NCKAP5: variants seen among roughly 807,000 people sequenced by gnomAD.
The protein encoded by NCKAP5 is NCK associated protein 5.
In NCKAP5, 92 loss-of-function variants were observed where a neutral mutation model predicts 167.0. The observed-to-expected ratio is 0.55, with a 90% CI of 0.47 to 0.66. The LOEUF (loss-of-function observed/expected upper bound fraction) is 0.66. NCKAP5 is among the 30% of genes least tolerant of loss of function. The pLI, the probability that NCKAP5 is intolerant of heterozygous loss-of-function variation, is 0.00. For missense variants in NCKAP5, 2,378 were observed against 2,315.0 expected (o/e 1.03, Z -0.56); for synonymous variants, 891 against 877.4 (o/e 1.02, Z -0.27).
intron 8 of NCKAP5, among the ~76,000 whole-genome samples, chr2:132,925,913 G>C (rs1295657463): frequency 6.6e-6 from 1 of 152,150 alleles, no homozygotes; most frequent in African/African-American, 2.4e-5. Flanking sequence ...GAATTTAGGG[G>C]GTACAAGTGC....
chr2:132,679,097 A>G (rs1365077275), intron 19 of NCKAP5, among the ~76,000 whole-genome samples: 3 of 152,180 alleles, frequency 2.0e-5, no homozygotes, highest in Non-Finnish European at 4.4e-5. Flanking sequence ...AGGCCAAAAG[A>G]TCAGCTTTAC....
chr2:133,309,103 T>A (rs912896549), intron 3 of NCKAP5, among the ~76,000 whole-genome samples: 1 of 152,092 alleles, frequency 6.6e-6, no homozygotes, highest in African/African-American at 2.4e-5. Context: ...AACTGCACAA[T>A]CCCTCTTATC....
chr2:133,205,772 T>C (rs1222296923), intron 5 of NCKAP5, among the ~76,000 whole-genome samples: 1 of 152,138 alleles, frequency 6.6e-6, no homozygotes, highest in African/African-American at 2.4e-5. Flanking sequence ...TATATATCTC[T>C]TTTTATATCC....
intron 3 of NCKAP5, among the ~76,000 whole-genome samples, chr2:133,472,097 C>T (rs947457107): frequency 6.6e-6 from 1 of 152,108 alleles, no homozygotes; most frequent in East Asian, 1.9e-4. Flanking sequence ...AATACCTTTA[C>T]CATTTTAATG....
chr2:133,551,575 C>A (rs1687301728), intron 2 of NCKAP5, among the ~76,000 whole-genome samples: 1 of 44,206 alleles, frequency 2.3e-5, no homozygotes, highest in African/African-American at 9.8e-5. Context: ...CTTCCTTACA[C>A]CTTATACAAA....
intron 6 of NCKAP5, among the ~76,000 whole-genome samples, chr2:133,097,135 G>T (rs965178636): frequency 6.6e-6 from 1 of 152,142 alleles, no homozygotes. Context: ...CTAGATTTTA[G>T]CATGTGACAC....
intron 4 of NCKAP5, among the ~76,000 whole-genome samples, chr2:133,270,435 T>C (rs1452349383): frequency 6.6e-6 from 1 of 152,164 alleles, no homozygotes; most frequent in Non-Finnish European, 1.5e-5. Context: ...AAATAACTGA[T>C]GTAAATAAAG....
chr2:133,419,198 T>C (rs572150625), intron 3 of NCKAP5, among the ~76,000 whole-genome samples: 17 of 152,310 alleles, frequency 1.1e-4, no homozygotes, highest in African/African-American at 3.4e-4. Context: ...AAAAGGACCA[T>C]GTGAGCACAT....
At chr2:133,561,209 T>C (rs1232733298) in intron 1 of NCKAP5, among the ~76,000 whole-genome samples, 1 of 152,230 alleles carries the variant, frequency 6.6e-6, no homozygotes, top group Non-Finnish European at 1.5e-5. Context: ...TGTTGGCAAT[T>C]GGCCTGTATG....
intron 8 of NCKAP5, among the ~76,000 whole-genome samples, chr2:132,887,319 T>TTATCTATCTATCTATCTATC (rs142083213): frequency 1.3e-3 from 190 of 140,908 alleles, no homozygotes; most frequent in Middle Eastern, 6.8e-3. Flanking sequence ...AACTTTTATT[T>TTATCTATCTATCTATCTATC]TATCTATCTA....
chr2:133,069,010 C>T (rs1206852324), intron 6 of NCKAP5, among the ~76,000 whole-genome samples: 1 of 152,152 alleles, frequency 6.6e-6, no homozygotes, highest in Non-Finnish European at 1.5e-5. Context: ...CTTTTCTTTG[C>T]TTACTCAATT....
At chr2:133,341,744 CCA>C (rs777488732) in intron 3 of NCKAP5, among the ~76,000 whole-genome samples, 2 of 152,138 alleles carry the variant, frequency 1.3e-5, no homozygotes, top group African/African-American at 2.4e-5. Context: ...ATCTCTCCAC[CCA>C]CATTGTCAAC....
chr2:133,296,095 G>A (rs1294413737), intron 4 of NCKAP5, among the ~76,000 whole-genome samples: 1 of 152,218 alleles, frequency 6.6e-6, no homozygotes, highest in East Asian at 1.9e-4. Flanking sequence ...GCCAGAGGCC[G>A]CAAGATTCCT....
At chr2:133,617,233 A>G in the NCKAP5 span, among the ~76,000 whole-genome samples, 2 of 152,214 alleles carry the variant, frequency 1.3e-5, no homozygotes, top group East Asian at 3.8e-4. Flanking sequence ...TTCCCTTTGA[A>G]AACTGGCACA....
At chr2:133,332,191 C>G (rs1682901916) in intron 3 of NCKAP5, among the ~76,000 whole-genome samples, 1 of 152,098 alleles carries the variant, frequency 6.6e-6, no homozygotes, top group Non-Finnish European at 1.5e-5. Context: ...ACAAAATGGG[C>G]CCAATATAAC....
At chr2:132,855,882 T>A (rs570040611) in intron 11 of NCKAP5, among the ~76,000 whole-genome samples, 1 of 152,266 alleles carries the variant, frequency 6.6e-6, no homozygotes, top group East Asian at 1.9e-4. Context: ...AAGTGTATAA[T>A]GGTTGGGTGC....
intron 5 of NCKAP5, among the ~76,000 whole-genome samples, chr2:133,199,146 A>G (rs1329793517): frequency 6.6e-6 from 1 of 152,088 alleles, no homozygotes; most frequent in East Asian, 1.9e-4. Context: ...ATCTAAAACT[A>G]TAAAACTTGT....
intron 3 of NCKAP5, among the ~76,000 whole-genome samples, chr2:133,339,199 G>C (rs1683413531): frequency 6.6e-6 from 1 of 152,076 alleles, no homozygotes; most frequent in South Asian, 2.1e-4. Context: ...TAGCAATAGA[G>C]AGAAATGAGA....
chr2:133,001,033 G>A (rs1015546808), intron 6 of NCKAP5, among the ~76,000 whole-genome samples: 2 of 152,136 alleles, frequency 1.3e-5, no homozygotes, highest in Admixed American at 6.5e-5. Context: ...GTAATGTTCT[G>A]TAACTCTATA....
Sources: allele counts gnomAD v4.1 joint callset (sites outside exome capture counted in the v4.1 genomes callset), GRCh38; gene constraint gnomAD v4.1.1; transcripts MANE v1.5; gene names NCBI Gene and HGNC (gene_info 2026-07-23, HGNC 2026-07-21).